Variants in HPSE2 observed in about 807,000 individuals in gnomAD.
HPSE2 encodes the protein heparanase 2 (inactive), also known as inactive heparanase-2.
A neutral mutation model predicts 60.5 loss-of-function variants in HPSE2; 38 were observed. The ratio of observed to expected loss-of-function variants is 0.63; its 90% CI spans 0.48 to 0.82. HPSE2 has a LOEUF of 0.82. Ranked by LOEUF, HPSE2 falls within the 40% of genes least tolerant of loss-of-function variation. The pLI, the probability that HPSE2 is intolerant of heterozygous loss-of-function variation, is 0.00. For missense variants in HPSE2, 713 were observed against 740.4 expected (o/e 0.96, Z 0.43); for synonymous variants, 295 against 293.2 (o/e 1.01, Z -0.06).
At chr10:98,775,316 C>G (rs1000055992) in intron 3 of HPSE2, among the ~76,000 whole-genome samples, 33 of 152,176 alleles carry the variant, frequency 2.2e-4, no homozygotes, top group Non-Finnish European at 4.6e-4. Flanking sequence ...GGGATTGAAC[C>G]AAGTAATGAT....
chr10:98,474,433 A>G (rs1252087638), intron 11 of HPSE2, among the ~76,000 whole-genome samples: 1 of 152,230 alleles, frequency 6.6e-6, no homozygotes, highest in East Asian at 1.9e-4. Context: ...GTCTGTTCCA[A>G]CAGGGACACG....
intron 2 of HPSE2, among the ~76,000 whole-genome samples, chr10:99,194,575 A>G (rs919967625): frequency 6.6e-6 from 1 of 151,844 alleles, no homozygotes; most frequent in South Asian, 2.1e-4. Context: ...AGAAGACATT[A>G]CAACTGATAT....
At chr10:98,539,300 T>C (rs369603205) in intron 9 of HPSE2, among the ~76,000 whole-genome samples, 24 of 152,266 alleles carry the variant, frequency 1.6e-4, no homozygotes, top group Middle Eastern at 3.4e-3. Flanking sequence ...GGCGGGTGGA[T>C]CACCTGAGGT....
intron 3 of HPSE2, among the ~76,000 whole-genome samples, chr10:98,816,390 C>A (rs1951290691): frequency 6.6e-6 from 1 of 151,964 alleles, no homozygotes; most frequent in Admixed American, 6.6e-5. Context: ...ATGACAACAG[C>A]AGCATAAACG....
At chr10:98,986,856 T>C (rs1350004938) in intron 3 of HPSE2, among the ~76,000 whole-genome samples, 2 of 152,120 alleles carry the variant, frequency 1.3e-5, no homozygotes, top group Non-Finnish European at 2.9e-5. Flanking sequence ...CAGAGAATAC[T>C]ATAAACACCT....
the HPSE2 span, among the ~76,000 whole-genome samples, chr10:99,284,757 T>C: frequency 6.6e-6 from 1 of 152,186 alleles, no homozygotes; most frequent in South Asian, 2.1e-4. Context: ...ACTTGTGTCA[T>C]GGGAGTTTGT....
At chr10:99,151,188 A>C (rs541504619) in intron 2 of HPSE2, among the ~76,000 whole-genome samples, 2 of 152,130 alleles carry the variant, frequency 1.3e-5, no homozygotes, top group South Asian at 2.1e-4. Context: ...AATGGTATAG[A>C]TTGGCTATAA....
At chr10:99,181,556 A>C (rs1847779255) in intron 2 of HPSE2, among the ~76,000 whole-genome samples, 1 of 152,224 alleles carries the variant, frequency 6.6e-6, no homozygotes. Context: ...CAGCCATAAA[A>C]AAGGATGAGT....
chr10:98,790,056 GA>G (rs1213684287), intron 3 of HPSE2, among the ~76,000 whole-genome samples: 3 of 152,140 alleles, frequency 2.0e-5, no homozygotes, highest in Non-Finnish European at 4.4e-5. Context: ...GTCAATAAGA[GA>G]TGAGAGAAAG....
chr10:98,778,134 C>A (rs1227417517), intron 3 of HPSE2, among the ~76,000 whole-genome samples: 1 of 151,982 alleles, frequency 6.6e-6, no homozygotes, highest in African/African-American at 2.4e-5. Context: ...TTAGGTGGGA[C>A]ACAGAGGTGG....
intron 3 of HPSE2, among the ~76,000 whole-genome samples, chr10:98,760,568 G>T (rs1159042830): frequency 6.6e-6 from 1 of 151,986 alleles, no homozygotes; most frequent in Non-Finnish European, 1.5e-5. Flanking sequence ...CATGGTTTTT[G>T]TCCTTTAGTC....
chr10:98,911,054 G>C (rs537322792), intron 3 of HPSE2, among the ~76,000 whole-genome samples: 5 of 152,324 alleles, frequency 3.3e-5, no homozygotes, highest in African/African-American at 1.2e-4. Context: ...GGTTAGTCAA[G>C]AAAGAGGAAA....
chr10:99,313,248 C>A, the HPSE2 span, among the ~76,000 whole-genome samples: 1 of 152,092 alleles, frequency 6.6e-6, no homozygotes, highest in Non-Finnish European at 1.5e-5. Flanking sequence ...GACTACATAT[C>A]CACATAAACA....
intron 3 of HPSE2, among the ~76,000 whole-genome samples, chr10:99,077,087 G>A (rs1842973000): frequency 6.6e-6 from 1 of 152,084 alleles, no homozygotes; most frequent in Non-Finnish European, 1.5e-5. Context: ...AGTCTTATGA[G>A]GGTTTTCTTG....
At chr10:98,725,649 T>C (rs1949054699) in intron 4 of HPSE2, among the ~76,000 whole-genome samples, 1 of 152,018 alleles carries the variant, frequency 6.6e-6, no homozygotes, top group African/African-American at 2.4e-5. Context: ...GGGATCTAAT[T>C]AAACTAAAGA....
At chr10:98,529,156 A>T (rs1328704391) in intron 9 of HPSE2, among the ~76,000 whole-genome samples, 1 of 152,268 alleles carries the variant, frequency 6.6e-6, no homozygotes, top group East Asian at 1.9e-4. Context: ...GAATTATGCA[A>T]GTAAATTTTC....
At chr10:99,093,722 T>G (rs1175352768) in intron 3 of HPSE2, among the ~76,000 whole-genome samples, 1 of 152,200 alleles carries the variant, frequency 6.6e-6, no homozygotes, top group African/African-American at 2.4e-5. Context: ...CACCTCCCAT[T>G]AAGCATCACT....
the HPSE2 span, among the ~76,000 whole-genome samples, chr10:99,246,980 AC>A: frequency 2.0e-3 from 309 of 151,706 alleles, 1 homozygote; most frequent in Non-Finnish European, 3.6e-3. Flanking sequence ...GTTCTCAAAA[AC>A]AAAAATAATC....
chr10:98,939,711 T>G (rs1368463390), intron 3 of HPSE2, among the ~76,000 whole-genome samples: 1 of 143,612 alleles, frequency 7.0e-6, no homozygotes, highest in Non-Finnish European at 1.5e-5. Flanking sequence ...GGAACTGAAC[T>G]CAGCTCTGCA....
Sources: allele counts gnomAD v4.1 joint callset (sites outside exome capture counted in the v4.1 genomes callset), GRCh38; gene constraint gnomAD v4.1.1; transcripts MANE v1.5; gene names NCBI Gene and HGNC (gene_info 2026-07-23, HGNC 2026-07-21).